The following ADGRB3 variants were observed in gnomAD, a reference collection of about 807,000 sequenced individuals.
ADGRB3 encodes the protein brain-specific angiogenesis inhibitor 3.
ADGRB3 carries 37 observed loss-of-function variants against 193.4 expected under a neutral mutation model. The ratio of observed to expected loss-of-function variants is 0.19; its 90% CI spans 0.15 to 0.25. The LOEUF is 0.25. Among genes scored for constraint, ADGRB3 ranks in the 10% least tolerant of loss-of-function variants. The pLI is 1.00. For synonymous variants in ADGRB3, 690 were observed against 644.2 expected, an observed-to-expected ratio of 1.07 and a Z score of -1.08; for missense variants, 1,637 against 1,852.9, an observed-to-expected ratio of 0.88 and a Z score of 2.14.
At chr6:68,825,996 T>G (rs1356712742) in intron 3 of ADGRB3, among the ~76,000 whole-genome samples, 1 of 152,148 alleles carries the variant, frequency 6.6e-6, no homozygotes, top group Non-Finnish European at 1.5e-5. Context: ...CCCCATTTTT[T>G]TTTTTTGTAC....
intron 3 of ADGRB3, among the ~76,000 whole-genome samples, chr6:68,684,411 A>T (rs573729896): frequency 3.9e-5 from 6 of 152,268 alleles, no homozygotes; most frequent in African/African-American, 1.4e-4. Flanking sequence ...CCATCTTTTT[A>T]TAATAATCTT....
intron 6 of ADGRB3, among the ~76,000 whole-genome samples, chr6:68,944,301 A>G (rs919860574): frequency 5.9e-5 from 9 of 152,120 alleles, no homozygotes; most frequent in African/African-American, 2.2e-4. Flanking sequence ...AAGGAATCCT[A>G]AAGACTTGAG....
chr6:68,971,648 G>A (rs557692477), intron 8 of ADGRB3, among the ~76,000 whole-genome samples: 4 of 152,320 alleles, frequency 2.6e-5, no homozygotes, highest in African/African-American at 9.6e-5. Flanking sequence ...ATCCCCCATA[G>A]ATGACAGGGA....
chr6:69,381,837 A>G (rs558864961), intron 30 of ADGRB3, among the ~76,000 whole-genome samples: 1 of 152,070 alleles, frequency 6.6e-6, no homozygotes, highest in East Asian at 1.9e-4. Flanking sequence ...GTTATGAGGC[A>G]TATGCTTAAA....
At chr6:69,043,366 T>A (rs561882192) in intron 13 of ADGRB3, among the ~76,000 whole-genome samples, 2 of 128,750 alleles carry the variant, frequency 1.6e-5, no homozygotes, top group South Asian at 5.1e-4. Context: ...AAAGGAACCC[T>A]TATGTAACTC....
intron 11 of ADGRB3, among the ~76,000 whole-genome samples, chr6:69,010,799 CAAAA>C (rs1180522614): frequency 1.6e-4 from 24 of 145,776 alleles, no homozygotes; most frequent in South Asian, 6.5e-4. Context: ...AATCAAAAAA[CAAAA>C]AAAAGCAAAA....
intron 17 of ADGRB3, among the ~76,000 whole-genome samples, chr6:69,200,638 C>G (rs1470808447): frequency 6.6e-6 from 1 of 152,066 alleles, no homozygotes. Context: ...CTGATGGAAG[C>G]AGCTGTGAGA....
intron 3 of ADGRB3, among the ~76,000 whole-genome samples, chr6:68,871,539 T>C (rs1374158969): frequency 6.6e-6 from 1 of 152,162 alleles, no homozygotes; most frequent in African/African-American, 2.4e-5. Flanking sequence ...CATGTTTTTC[T>C]TGTTGATAAG....
At chr6:68,649,019 CTG>C (rs144880150) in intron 3 of ADGRB3, among the ~76,000 whole-genome samples, 4,074 of 152,172 alleles carry the variant, frequency 0.027, 167 homozygotes, top group African/African-American at 0.092. Flanking sequence ...TGGGCAATAA[CTG>C]TGTCAGTTAC....
chr6:69,251,208 A>G (rs192212537), intron 20 of ADGRB3, among the ~76,000 whole-genome samples: 17 of 152,236 alleles, frequency 1.1e-4, no homozygotes, highest in African/African-American at 3.6e-4. Flanking sequence ...TTCCTCCCTT[A>G]TTAGTCTTCT....
At chr6:69,282,675 A>G (rs1767462108) in intron 20 of ADGRB3, among the ~76,000 whole-genome samples, 1 of 152,144 alleles carries the variant, frequency 6.6e-6, no homozygotes, top group African/African-American at 2.4e-5. Context: ...GCTAACCAAT[A>G]TTTATTGGGT....
intron 15 of ADGRB3, among the ~76,000 whole-genome samples, chr6:69,050,581 A>G (rs1309453311): frequency 1.3e-5 from 2 of 152,186 alleles, no homozygotes; most frequent in East Asian, 3.8e-4. Flanking sequence ...TACACTGCCT[A>G]TATCTTTGTG....
intron 20 of ADGRB3, among the ~76,000 whole-genome samples, chr6:69,265,634 G>A (rs62408264): frequency 0.05 from 7,546 of 152,106 alleles, 230 homozygotes; most frequent in Non-Finnish European, 0.072. Flanking sequence ...GTCCAACTTT[G>A]TAAAAAATCC....
At chr6:69,231,894 A>G (rs995444927) in intron 17 of ADGRB3, among the ~76,000 whole-genome samples, 1 of 152,198 alleles carries the variant, frequency 6.6e-6, no homozygotes, top group African/African-American at 2.4e-5. Context: ...TATTGCTGGT[A>G]GATACCAAAA....
chr6:68,747,095 T>C (rs1425280830), intron 3 of ADGRB3, among the ~76,000 whole-genome samples: 2 of 152,192 alleles, frequency 1.3e-5, no homozygotes, highest in African/African-American at 2.4e-5. Context: ...ATTACCTTCA[T>C]TGAATTAAAT....
chr6:68,832,681 T>C (rs777750685), intron 3 of ADGRB3, among the ~76,000 whole-genome samples: 2 of 152,192 alleles, frequency 1.3e-5, no homozygotes, highest in South Asian at 2.1e-4. Context: ...TCAAATTCTA[T>C]GTGGGACTTT....
At chr6:68,714,109 A>G (rs1433442740) in intron 3 of ADGRB3, among the ~76,000 whole-genome samples, 1 of 151,840 alleles carries the variant, frequency 6.6e-6, no homozygotes, top group Non-Finnish European at 1.5e-5. Flanking sequence ...TTTTTTAACT[A>G]TAAAATGTAA....
intron 8 of ADGRB3, among the ~76,000 whole-genome samples, chr6:68,964,918 C>T (rs1477013357): frequency 6.6e-6 from 1 of 152,132 alleles, no homozygotes; most frequent in East Asian, 1.9e-4. Flanking sequence ...GACTCCTCTG[C>T]TTAGAGAAGA....
At chr6:68,892,334 A>G (rs1456247460) in intron 3 of ADGRB3, among the ~76,000 whole-genome samples, 2 of 152,174 alleles carry the variant, frequency 1.3e-5, no homozygotes, top group Non-Finnish European at 2.9e-5. Context: ...CCCTAGCCAC[A>G]GCAGCCTCTG....
Sources: gnomAD v4.1 joint callset for allele counts (sites outside exome capture counted in the v4.1 genomes callset) on GRCh38, gnomAD v4.1.1 for gene constraint, MANE v1.5 for transcripts, NCBI Gene and HGNC (gene_info 2026-07-23, HGNC 2026-07-21) for gene names.